MICAL2: variants seen among roughly 807,000 people sequenced by gnomAD.
MICAL2 encodes the protein [F-actin]-monooxygenase MICAL2.
In MICAL2, 77 loss-of-function variants were observed where a neutral mutation model predicts 127.3. The ratio of observed to expected loss-of-function variants is 0.60; its 90% CI spans 0.50 to 0.73. The LOEUF is 0.73. Ranked by LOEUF, MICAL2 falls within the 30% of genes least tolerant of loss-of-function variation. MICAL2 has a pLI of 0.00. For missense variants in MICAL2, 1,351 were observed against 1,434.4 expected, an observed-to-expected ratio of 0.94 and a Z score of 0.94; for synonymous variants, 570 against 551.1, an observed-to-expected ratio of 1.03 and a Z score of -0.48.
intron 31 of MICAL2, among the ~76,000 whole-genome samples, chr11:12,324,403 T>C (rs990152902): frequency 1.3e-5 from 2 of 152,256 alleles, no homozygotes; most frequent in Non-Finnish European, 2.9e-5. Context: ...TTTTGTCTTC[T>C]GTGAGGACAC....
At chr11:12,334,442 C>CT (rs892583285) in intron 32 of MICAL2, among the ~76,000 whole-genome samples, 41 of 150,662 alleles carry the variant, frequency 2.7e-4, no homozygotes, top group Middle Eastern at 3.4e-3. Flanking sequence ...ATTTTCTTTT[C>CT]TTTTTTTTTA....
At chr11:12,307,845 A>T (rs966592768) in intron 29 of MICAL2, among the ~76,000 whole-genome samples, 1 of 152,208 alleles carries the variant, frequency 6.6e-6, no homozygotes, top group South Asian at 2.1e-4. Context: ...CTAAAAGCAC[A>T]CTTTCTTGAT....
chr11:12,315,648 G>C (rs533108347), intron 29 of MICAL2, among the ~76,000 whole-genome samples: 1 of 152,250 alleles, frequency 6.6e-6, no homozygotes, highest in African/African-American at 2.4e-5. Flanking sequence ...TATCAAGATT[G>C]TTTTAAAGCC....
intron 1 of MICAL2, among the ~76,000 whole-genome samples, chr11:12,128,078 G>A (rs1347254891): frequency 6.6e-6 from 1 of 152,200 alleles, no homozygotes; most frequent in Non-Finnish European, 1.5e-5. Context: ...TAAAATTAAT[G>A]TGTTAGGGAC....
In MICAL2 at chr11:12,236,159, C is replaced by T. The variant is rs1859028430; in HGVS notation, c.1996-18C>T. ...TTGGTGGCCCCCAGAGCTCACCCTG[C>T]TTTCTTGGCCATTGCAGGTGGATGG... is the stretch of plus-strand genomic sequence containing the variant. On this transcript the variant is annotated intron_variant, in intron 15 of 27. Coordinates refer to ENST00000683283, the MANE Select transcript of MICAL2 (RefSeq NM_001282663.2). 2 of 1,613,436 alleles carry T rather than the reference C, an allele frequency of 1.2e-6. No individual in the cohort carries two copies. Among genetic ancestry groups the T allele is most frequent in the African/African-American group, 1.3e-5 (1 of 74,918 alleles).
intron 3 of MICAL2, among the ~76,000 whole-genome samples, chr11:12,176,576 CCCCA>C (rs1193836891): frequency 2.0e-5 from 3 of 152,128 alleles, no homozygotes; most frequent in Admixed American, 2.0e-4. Context: ...CAACATTCAT[CCCCA>C]GAACTTTTTT....
At chr11:12,136,795 G>A (rs2133592165) in intron 1 of MICAL2, among the ~76,000 whole-genome samples, 1 of 152,216 alleles carries the variant, frequency 6.6e-6, no homozygotes, top group East Asian at 1.9e-4. Context: ...CCAGTGGTCA[G>A]CCCTTGTAGC....
intron 8 of MICAL2, 39 bp downstream of exon 8, chr11:12,216,358 C>G (rs1450272353): frequency 6.7e-7 from 1 of 1,501,994 alleles, no homozygotes; most frequent in Non-Finnish European, 9.3e-7. Context: ...ACTTCGCGAC[C>G]TGGGCTGGTG....
In MICAL2 at chr11:12,312,889, G is replaced by T. The variant is rs112669810; in HGVS notation, c.5213-6807G>T. Among the ~76,000 whole-genome samples, 983 of 152,172 alleles carry T rather than the reference G, an allele frequency of 6.5e-3. 16 individuals carry two copies. Among genetic ancestry groups the T allele is most frequent in the African/African-American group, 0.023 (946 of 41,540 alleles). ...GGAGTCTTAAGATCTAGAGTCGGCC[G>T]GGCGCTGTGGCTCACGCCTGTAATC... On this transcript the variant is annotated intron_variant, in intron 29 of 34. Transcript: ENST00000646065.
At chr11:12,255,378 A>G in intron 22 of MICAL2, 1 of 457,822 alleles carries the variant, frequency 2.2e-6, no homozygotes, top group South Asian at 2.5e-5. Flanking sequence ...TGTCTCTACG[A>G]TTTTGACTAC....
chr11:12,340,072 G>A (rs1307827691), intron 32 of MICAL2, among the ~76,000 whole-genome samples: 1 of 152,106 alleles, frequency 6.6e-6, no homozygotes, highest in African/African-American at 2.4e-5. Flanking sequence ...CTACCTTCCA[G>A]AATATTTTCA....
chr11:12,198,341 C>A (rs1022959112), intron 3 of MICAL2, among the ~76,000 whole-genome samples: 2 of 152,214 alleles, frequency 1.3e-5, no homozygotes, highest in African/African-American at 4.8e-5. Context: ...TATAAGCAGG[C>A]AGTAAGTGTT....
intron 29 of MICAL2, among the ~76,000 whole-genome samples, chr11:12,301,352 C>T (rs1404130469): frequency 2.0e-5 from 3 of 152,178 alleles, no homozygotes; most frequent in Non-Finnish European, 2.9e-5. Flanking sequence ...TCCATTGCTC[C>T]ATTTTATTCC....
At chr11:12,198,461 G>A (rs1860234880) in intron 3 of MICAL2, among the ~76,000 whole-genome samples, 1 of 152,146 alleles carries the variant, frequency 6.6e-6, no homozygotes, top group Non-Finnish European at 1.5e-5. Context: ...GCAGGTGGGT[G>A]GCACCTTGAA....
downstream of MICAL2, chr11:12,358,667 G>T (rs942224026): frequency 1.1e-5 from 5 of 471,410 alleles, no homozygotes; most frequent in Non-Finnish European, 1.8e-5. Context: ...AGATTCAAAT[G>T]AAGAAAACCC....
At chr11:12,233,236 T>C (rs1426456419) in intron 15 of MICAL2, among the ~76,000 whole-genome samples, 2 of 152,242 alleles carry the variant, frequency 1.3e-5, no homozygotes, top group Non-Finnish European at 2.9e-5. Context: ...GATCCCTTCT[T>C]ATAGTTAAGG....
intron 12 of MICAL2, 140 bp from the exon 13 acceptor site, chr11:12,224,533 C>A: frequency 1.8e-6 from 2 of 1,084,774 alleles, no homozygotes; most frequent in Non-Finnish European, 2.6e-6. Flanking sequence ...TGCACCCGTG[C>A]CAGTGGCCCC....
rs762701741 is a variant in MICAL2, at chr11:12,225,407, A to G, written c.1688+587A>G. Among the ~76,000 whole-genome samples the G allele has an allele frequency of 3.3e-5, 5 of 152,188 alleles. No homozygotes were observed. In the South Asian group the frequency reaches 8.3e-4, roughly 25 times the overall value. Reference sequence around the variant, plus strand: ...AGAACTTCACAGCCAGGTGCAAATCACAAAAAAGGCTGACAGCAAACCTAC... The same window carrying G: ...AGAACTTCACAGCCAGGTGCAAATCGCAAAAAAGGCTGACAGCAAACCTAC... On this transcript the variant is annotated intron_variant, in intron 13 of 27. Coordinates refer to ENST00000683283, the MANE Select transcript of MICAL2 (RefSeq NM_001282663.2).
At chr11:12,170,935 A>G (rs1190594557) in intron 3 of MICAL2, among the ~76,000 whole-genome samples, 1 of 152,216 alleles carries the variant, frequency 6.6e-6, no homozygotes, top group African/African-American at 2.4e-5. Context: ...GGGATAGAGG[A>G]GCGAACTCTG....
Sources: gnomAD v4.1 joint callset for allele counts (sites outside exome capture counted in the v4.1 genomes callset) on GRCh38, gnomAD v4.1.1 for gene constraint, MANE v1.5 for transcripts, NCBI Gene and HGNC (gene_info 2026-07-23, HGNC 2026-07-21) for gene names.